NT5DC1: variants seen among roughly 807,000 people sequenced by gnomAD.
NT5DC1 encodes 5'-nucleotidase domain-containing protein 1.
A neutral mutation model predicts 59.4 loss-of-function variants in NT5DC1; 42 were observed. That is an observed-to-expected ratio of 0.71 (90% confidence interval 0.55 to 0.92). The LOEUF (loss-of-function observed/expected upper bound fraction) is 0.92, where lower values mean the gene tolerates loss of function less well. Among genes scored for constraint, NT5DC1 ranks in the 40% least tolerant of loss-of-function variants. The pLI is 0.00. For missense variants in NT5DC1, 501 were observed against 537.1 expected (o/e 0.93, Z 0.66); for synonymous variants, 172 against 188.1 (o/e 0.91, Z 0.70).
chr6:116,212,699 G>C (rs901779574), intron 6 of NT5DC1, among the ~76,000 whole-genome samples: 1 of 152,066 alleles, frequency 6.6e-6, no homozygotes, highest in Non-Finnish European at 1.5e-5. Context: ...GTGGCAGGGA[G>C]GCAGGGGAAC....
chr6:116,168,323 C>G (rs1780524244), intron 6 of NT5DC1, among the ~76,000 whole-genome samples: 1 of 151,810 alleles, frequency 6.6e-6, no homozygotes, highest in East Asian at 1.9e-4. Flanking sequence ...TTCTTTTAAT[C>G]TCATTTCTAA....
In NT5DC1 at chr6:116,236,974, G is replaced by A; in HGVS notation, c.811G>A (p.Glu271Lys). 1.3e-6 allele frequency: 2 copies of A among 1,590,878 alleles called. No individual in the cohort carries two copies. The highest frequency in any genetic ancestry group is 1.7e-5 in the Admixed American group (1 of 59,944). Residue 271 changes from glutamate (E) to lysine (K), a missense_variant, in exon 9 of 12, where the codon GAG becomes AAG. Physicochemically the swap from Glu to Lys is moderately conservative, Grantham distance 56. Coordinates refer to ENST00000319550, the MANE Select transcript of NT5DC1 (RefSeq NM_152729.3). ...QRPFRTLEND[E>K]EQEALPSLDK... Reference sequence around the variant, plus strand: ...TCAAACTGTATTTTCAGAGAATGATGAGGAGCAGGAGGCACTGCCATCTCT... The same window carrying A: ...TCAAACTGTATTTTCAGAGAATGATAAGGAGCAGGAGGCACTGCCATCTCT...
chr6:116,220,929 G>A (rs532937003), intron 6 of NT5DC1, 125 bp from the exon 7 acceptor site: 9 of 562,922 alleles, frequency 1.6e-5, no homozygotes, highest in East Asian at 5.7e-5. Flanking sequence ...TTGCTAGGTC[G>A]GTCAAACCTT....
Position 116,191,985 on chromosome 6 carries a change from G to A in NT5DC1, c.530-29069G>A, listed in dbSNP as rs145395938. Among the ~76,000 whole-genome samples, 207 of 152,146 alleles carry A rather than the reference G, an allele frequency of 1.4e-3. 1 individual carries two copies. The highest frequency in any genetic ancestry group is 0.011 in the South Asian group (53 of 4,828). On this transcript the variant is annotated intron_variant, in intron 6 of 11. Coordinates refer to ENST00000319550, the MANE Select transcript of NT5DC1 (RefSeq NM_152729.3). ...AACAAAGATGAGGTAGAAATTACGA[G>A]CAAACATGAGGATGAGGATGCAGGC...
chr6:116,142,031 A>ACTCT (rs1356656495), intron 6 of NT5DC1, among the ~76,000 whole-genome samples: 1 of 151,908 alleles, frequency 6.6e-6, no homozygotes, highest in Non-Finnish European at 1.5e-5. Context: ...AAGATTTGTT[A>ACTCT]CTTCTGAGTT....
rs1779136176 is a variant in NT5DC1 at position 116,121,744 on chromosome 6, T to G, written c.529+3799T>G. ...CAGCTGGTCCAACATCTCCTTTTGG[T>G]CCATATGGTCCTCTCTCTCCTGGTT... is the stretch of plus-strand genomic sequence containing the variant. On this transcript the variant is annotated intron_variant, in intron 6 of 11. Coordinates refer to ENST00000319550, the MANE Select transcript of NT5DC1 (RefSeq NM_152729.3). The G allele has an allele frequency of 6.2e-7, 1 of 1,613,822 alleles. No individual in the cohort carries two copies. Among genetic ancestry groups the G allele is most frequent in the Non-Finnish European group, 8.5e-7 (1 of 1,179,932 alleles).
At chr6:116,175,143 A>T (rs1453815533) in intron 6 of NT5DC1, among the ~76,000 whole-genome samples, 1 of 152,122 alleles carries the variant, frequency 6.6e-6, no homozygotes, top group East Asian at 1.9e-4. Context: ...ATAGAGTTTG[A>T]TGCATTCTGA....
intron 1 of NT5DC1, among the ~76,000 whole-genome samples, chr6:116,103,131 A>G (rs1354515184): frequency 6.6e-6 from 1 of 152,192 alleles, no homozygotes; most frequent in African/African-American, 2.4e-5. Flanking sequence ...CTCCATCAGT[A>G]TCTGTGACAG....
intron 6 of NT5DC1, among the ~76,000 whole-genome samples, chr6:116,198,636 C>T (rs528644402): frequency 3.9e-5 from 6 of 151,972 alleles, no homozygotes; most frequent in African/African-American, 1.2e-4. Flanking sequence ...GAGGCTGAGG[C>T]AGGATTGCTT....
intron 6 of NT5DC1, among the ~76,000 whole-genome samples, chr6:116,170,391 T>C (rs1462174434): frequency 1.3e-5 from 2 of 152,164 alleles, no homozygotes; most frequent in African/African-American, 4.8e-5. Flanking sequence ...ACGTAGTTGG[T>C]GTGCTTGTAG....
intron 6 of NT5DC1, among the ~76,000 whole-genome samples, chr6:116,123,471 C>G (rs970783129): frequency 6.6e-6 from 1 of 152,242 alleles, no homozygotes; most frequent in African/African-American, 2.4e-5. Context: ...ATGCCACAAA[C>G]TGAAATCGTG....
At chr6:116,168,565 T>C (rs1780531219) in intron 6 of NT5DC1, among the ~76,000 whole-genome samples, 1 of 152,192 alleles carries the variant, frequency 6.6e-6, no homozygotes, top group East Asian at 1.9e-4. Context: ...TGGTTCAGTC[T>C]GTCTTCATGC....
chr6:116,244,294 C>T lies in NT5DC1; in HGVS notation c.*270C>T, dbSNP rs563508796. On this transcript the variant is annotated 3_prime_UTR_variant, in exon 12 of 12. Transcript: ENST00000319550. ...TCACCTGGGGACACACACTCACACG[C>T]ACAGTCACTCTTACACATATGCCTA... The T allele has an allele frequency of 2.6e-5, 6 of 234,612 alleles. No homozygotes were observed. The East Asian group carries it at 4.0e-4, about 15-fold the overall frequency. 14.5% of individuals were successfully genotyped at this position (234,612 alleles called of 1,614,324 possible).
intron 6 of NT5DC1, among the ~76,000 whole-genome samples, chr6:116,212,747 ACTCTGTATT>A (rs1781604751): frequency 6.6e-6 from 1 of 152,004 alleles, no homozygotes; most frequent in South Asian, 2.1e-4. Context: ...TGCTATAATC[ACTCTGTATT>A]TCAGCAATTG....
intron 6 of NT5DC1, among the ~76,000 whole-genome samples, chr6:116,165,893 G>A (rs564161274): frequency 1.3e-5 from 2 of 152,294 alleles, no homozygotes; most frequent in South Asian, 2.1e-4. Flanking sequence ...CCCCATGCAG[G>A]GTAGTAGCCC....
At chr6:116,222,123 C>T (rs1459813861) in intron 7 of NT5DC1, among the ~76,000 whole-genome samples, 1 of 152,088 alleles carries the variant, frequency 6.6e-6, no homozygotes, top group Non-Finnish European at 1.5e-5. Context: ...CTATGGTATG[C>T]TTAGAATCTG....
intron 6 of NT5DC1, among the ~76,000 whole-genome samples, chr6:116,196,330 G>T (rs1184697516): frequency 6.6e-6 from 1 of 151,828 alleles, no homozygotes; most frequent in African/African-American, 2.4e-5. Flanking sequence ...TTGAATTTTT[G>T]CATTGCTCTA....
intron 6 of NT5DC1, among the ~76,000 whole-genome samples, chr6:116,143,674 A>G (rs1395691483): frequency 1.3e-5 from 2 of 152,194 alleles, no homozygotes; most frequent in East Asian, 1.9e-4. Context: ...ATTTTGTTGC[A>G]TTACTTTTTT....
chr6:116,107,869 G>T (rs992931857), intron 2 of NT5DC1, among the ~76,000 whole-genome samples: 1 of 152,140 alleles, frequency 6.6e-6, no homozygotes, highest in Non-Finnish European at 1.5e-5. Context: ...ACCGCGCCTG[G>T]CCATAGTGGT....
Sources: gnomAD v4.1 joint callset for allele counts (sites outside exome capture counted in the v4.1 genomes callset) on GRCh38, gnomAD v4.1.1 for gene constraint, MANE v1.5 for transcripts, NCBI Gene and HGNC (gene_info 2026-07-23, HGNC 2026-07-21) for gene names.